NEBL: variants seen among roughly 807,000 people sequenced by gnomAD.
The protein encoded by NEBL is nebulette.
NEBL carries 122 observed loss-of-function variants against 140.2 expected under a neutral mutation model. The observed-to-expected ratio is 0.87, with a 90% CI of 0.75 to 1.01. NEBL has a LOEUF of 1.01. NEBL is among the 50% of genes least tolerant of loss of function. The pLI is 0.00. For synonymous variants in NEBL, 436 were observed against 398.9 expected (o/e 1.09, Z -1.11); for missense variants, 1,365 against 1,231.3 (o/e 1.11, Z -1.62).
chr10:21,023,360 A>C (rs545580436), intron 2 of NEBL, among the ~76,000 whole-genome samples: 14 of 152,300 alleles, frequency 9.2e-5, no homozygotes, highest in Non-Finnish European at 1.6e-4. Flanking sequence ...GTTTGGGGGC[A>C]TGCTTTGGGG....
chr10:21,236,983 C>T (rs1842361921), intron 3 of NEBL, among the ~76,000 whole-genome samples: 1 of 152,270 alleles, frequency 6.6e-6, no homozygotes, highest in Non-Finnish European at 1.5e-5. Flanking sequence ...AAGTCACAGA[C>T]TCGAATTCAG....
At chr10:20,813,015 G>T in intron 23 of NEBL, 75 bp from the exon 24 acceptor site, 1 of 1,240,058 alleles carries the variant, frequency 8.1e-7, no homozygotes, top group Non-Finnish European at 1.2e-6. Context: ...TAAATGACAG[G>T]TGTACACTGC....
intron 21 of NEBL, among the ~76,000 whole-genome samples, chr10:20,817,037 T>C (rs1042346568): frequency 5.3e-5 from 8 of 151,950 alleles, no homozygotes; most frequent in Non-Finnish European, 1.2e-4. Context: ...GAGGAGACCA[T>C]AGCACCCATC....
intron 3 of NEBL, among the ~76,000 whole-genome samples, chr10:20,999,313 C>T (rs1437446067): frequency 6.6e-6 from 1 of 152,162 alleles, no homozygotes; most frequent in Admixed American, 6.5e-5. Flanking sequence ...AAATACAAGC[C>T]AGGCTGGATG....
At chr10:20,915,500 A>C (rs1165958798) in intron 4 of NEBL, among the ~76,000 whole-genome samples, 1 of 150,356 alleles carries the variant, frequency 6.7e-6, no homozygotes, top group South Asian at 2.1e-4. Context: ...GTGAGAATAC[A>C]TGGTGTTTGG....
chr10:21,198,930 T>C (rs368681864), intron 3 of NEBL, among the ~76,000 whole-genome samples: 1 of 152,166 alleles, frequency 6.6e-6, no homozygotes, highest in Admixed American at 6.5e-5. Context: ...CCCAATTACC[T>C]TACAGGGATG....
At chr10:21,258,981 C>A (rs574383948) in intron 1 of NEBL, among the ~76,000 whole-genome samples, 1 of 151,858 alleles carries the variant, frequency 6.6e-6, no homozygotes, top group East Asian at 1.9e-4. Context: ...CCTATGATTA[C>A]CCCCATTTTA....
Position 21,214,574 on chromosome 10 carries a change from G to GCA in NEBL, n.348+33345_348+33346dup, listed in dbSNP as rs1165861491. Among the ~76,000 whole-genome samples the GCA allele has an allele frequency of 2.0e-5, 3 of 146,548 alleles. No homozygotes were observed. In the East Asian group the frequency reaches 6.0e-4, roughly 29 times the overall value. On this transcript the variant is annotated intron_variant and non_coding_transcript_variant, in intron 3 of 8. Coordinates refer to the NEBL transcript ENST00000675702. Reference sequence around the variant, plus strand: ...ACACATGTGCACACATTACACACACGCACACATGCACATTACACACACATA... The same window carrying GCA: ...ACACATGTGCACACATTACACACACGCACACACATGCACATTACACACACATA...
intron 26 of NEBL, among the ~76,000 whole-genome samples, chr10:20,796,540 A>T (rs1836565110): frequency 6.6e-6 from 1 of 152,122 alleles, no homozygotes; most frequent in African/African-American, 2.4e-5. Flanking sequence ...TTTGAAGCCA[A>T]CTGCTTTTTC....
intron 4 of NEBL, among the ~76,000 whole-genome samples, chr10:20,946,691 C>T (rs1018033428): frequency 5.9e-5 from 9 of 152,090 alleles, no homozygotes; most frequent in Non-Finnish European, 1.0e-4. Flanking sequence ...TCTCAAACAC[C>T]GCGCCAGTCC....
chr10:20,899,382 A>C (rs1847744299), upstream of NEBL: 2 of 1,303,050 alleles, frequency 1.5e-6, no homozygotes, highest in Non-Finnish European at 2.0e-6. Flanking sequence ...AATTACCTTC[A>C]TCAGGCTTGC....
intron 4 of NEBL, among the ~76,000 whole-genome samples, chr10:20,942,660 G>C (rs1393366870): frequency 6.6e-6 from 1 of 152,140 alleles, no homozygotes; most frequent in Non-Finnish European, 1.5e-5. Flanking sequence ...GTGACCTACA[G>C]AATGGGAGAA....
In NEBL at chr10:20,828,768, A is replaced by G. The variant is rs201321150; in HGVS notation, c.1672-134T>C. 99 of 565,210 alleles carry G rather than the reference A, an allele frequency of 1.8e-4. No homozygotes were observed. The Admixed American group carries it at 2.0e-3, about 11-fold the overall frequency. 35.0% of individuals were successfully genotyped at this position (565,210 alleles called of 1,614,324 possible). On this transcript the variant is annotated intron_variant, in intron 16 of 27. Transcript: ENST00000377122. ...TGTTTTTACTGACTTACACTCCCAG[A>G]GAGAGAGAGAGAGAGGTGGAGAGAC...
In NEBL at chr10:20,784,520, C is replaced by T. The variant is rs1446187869; in HGVS notation, c.*1227G>A. Reference sequence around the variant, plus strand: ...AAAAGCAAAAAAAAATGGAAAAGGACGTCTTTTGATTAACCCGTTTTGGTG... The same window carrying T: ...AAAAGCAAAAAAAAATGGAAAAGGATGTCTTTTGATTAACCCGTTTTGGTG... On this transcript the variant is annotated 3_prime_UTR_variant, in exon 28 of 28. Transcript: ENST00000377122. 6.6e-6 allele frequency: 1 copy of T among 151,996 alleles called. No homozygotes were observed. The allele number at this position is 151,996 out of a possible 1,614,324, so 9.4% of individuals were successfully genotyped here.
At chr10:20,882,326 G>T (rs534215829) in intron 4 of NEBL, among the ~76,000 whole-genome samples, 1 of 151,036 alleles carries the variant, frequency 6.6e-6, no homozygotes, top group African/African-American at 2.4e-5. Flanking sequence ...AAGAAGAGGG[G>T]AGAGGAGAGA....
At chr10:21,012,161 G>A (rs550058121) in intron 3 of NEBL, among the ~76,000 whole-genome samples, 4 of 151,926 alleles carry the variant, frequency 2.6e-5, no homozygotes, top group East Asian at 1.9e-4. Context: ...TGCTTGCTTC[G>A]TACAATCTAC....
chr10:21,278,373 C>T (rs139255293), intron 1 of NEBL, among the ~76,000 whole-genome samples: 3 of 152,164 alleles, frequency 2.0e-5, no homozygotes, highest in Non-Finnish European at 4.4e-5. Flanking sequence ...GAGCCCAGGA[C>T]GTCGAGGCTT....
chr10:21,200,513 C>G (rs1400396689), intron 3 of NEBL, among the ~76,000 whole-genome samples: 1 of 151,938 alleles, frequency 6.6e-6, no homozygotes, highest in Non-Finnish European at 1.5e-5. Context: ...GGGGTTTCAC[C>G]ATATTGGTCA....
At chr10:21,092,586 T>TTAATAATAATAA (rs4025883) in intron 2 of NEBL, among the ~76,000 whole-genome samples, 3 of 142,110 alleles carry the variant, frequency 2.1e-5, no homozygotes, top group African/African-American at 2.5e-5. Context: ...CCTCTATAAT[T>TTAATAATAATAA]TAATAATAAT....
Sources: gnomAD v4.1 joint callset for allele counts (sites outside exome capture counted in the v4.1 genomes callset) on GRCh38, gnomAD v4.1.1 for gene constraint, MANE v1.5 for transcripts, NCBI Gene and HGNC (gene_info 2026-07-23, HGNC 2026-07-21) for gene names.